The following ZNF304 variants were observed in gnomAD, a reference collection of about 807,000 sequenced individuals.
ZNF304 encodes KRAB-containing zinc finger protein.
In ZNF304, 7 loss-of-function variants were observed where a neutral mutation model predicts 7.8. The ratio of observed to expected loss-of-function variants is 0.90; its 90% CI spans 0.51 to 1.69. The LOEUF (loss-of-function observed/expected upper bound fraction) is 1.69. Ranked by LOEUF, ZNF304 falls within the 40% of genes most tolerant of loss-of-function variation. The pLI is 0.00. For missense variants in ZNF304, 669 were observed against 804.8 expected (o/e 0.83, Z 2.04); for synonymous variants, 280 against 272.4 (o/e 1.03, Z -0.27).
At chr19:57,354,541 C>T (rs923282245) in intron 2 of ZNF304, among the ~76,000 whole-genome samples, 1 of 152,230 alleles carries the variant, frequency 6.6e-6, no homozygotes. Context: ...CAGAAGCTAA[C>T]TTCTCTTTGA....
At position 57,356,832 on chromosome 19, in the gene ZNF304, A is replaced by T. The variant is rs745528523; in HGVS notation, c.963A>T (p.Thr321=). The T allele has an allele frequency of 1.2e-6, 2 of 1,614,002 alleles. No individual in the cohort carries two copies. The highest frequency in any genetic ancestry group is 2.2e-5 in the East Asian group (1 of 44,892). ...ECGKAFSRKD[T]LVQHQRVHTG... ...GGAAGGCCTTCAGCCGCAAGGACAC[A>T]CTTGTTCAGCATCAGAGAGTTCACA... is the stretch of plus-strand genomic sequence containing the variant. The change falls in exon 3 of 3, where the codon ACA becomes ACT. Residue 321 remains threonine, a synonymous_variant. Coordinates refer to ENST00000282286, the MANE Select transcript of ZNF304 (RefSeq NM_020657.4).
intron 2 of ZNF304, among the ~76,000 whole-genome samples, chr19:57,354,362 T>C (rs2088311148): frequency 6.6e-6 from 1 of 152,210 alleles, no homozygotes; most frequent in Non-Finnish European, 1.5e-5. Flanking sequence ...AATCAAGCTC[T>C]CAGCCAGTGT....
intron 2 of ZNF304, chr19:57,355,266 T>A (rs1251545909): frequency 1.3e-6 from 1 of 765,118 alleles, no homozygotes; most frequent in African/African-American, 1.7e-5. Context: ...TTGTTTGCGT[T>A]ACAGCTTTCA....
chr19:57,355,313 G>T (rs1298318144), intron 2 of ZNF304: 8 of 765,320 alleles, frequency 1.0e-5, no homozygotes, highest in South Asian at 9.4e-5. Context: ...GTTGGAGGGG[G>T]CAGAAAACCT....
At chr19:57,353,977 TG>T (rs2122978297) in intron 2 of ZNF304, 126 bp downstream of exon 2, 1 of 807,792 alleles carries the variant, frequency 1.2e-6, no homozygotes, top group East Asian at 2.9e-5. Flanking sequence ...GAGCATTTTT[TG>T]TTGTTTATTA....
Position 57,351,559 on chromosome 19 carries a change from G to T in ZNF304, c.-106G>T, listed in dbSNP as rs190767367. 8.8e-4 allele frequency: 1,223 copies of T among 1,396,200 alleles called. 10 individuals are homozygous for T. In the African/African-American group the frequency reaches 0.015, roughly 17 times the overall value. The allele number at this position is 1,396,200 out of a possible 1,614,324, so 86.5% of individuals were successfully genotyped here. A position where few individuals can be genotyped will look rare whatever the true frequency, so the allele number is the denominator to read the frequency against. On this transcript the variant is annotated 5_prime_UTR_variant, in exon 1 of 3. Transcript: ENST00000282286. The surrounding 1 kb of genome is among the most constrained non-coding windows in gnomAD (Gnocchi z 4.1). ...AGTCTTGTGAGCGTTTTTACACCGG[G>T]TAGATTGAGACTTGGAGTGCTACAC...
chr19:57,356,648 T>A lies in ZNF304; in HGVS notation c.779T>A (p.Phe260Tyr). 6.2e-7 allele frequency: 1 copy of A among 1,614,218 alleles called. No individual in the cohort carries two copies. The highest frequency in any genetic ancestry group is 8.5e-7 in the Non-Finnish European group (1 of 1,180,028). Residue 260 changes from phenylalanine to tyrosine, a missense_variant, in exon 3 of 3, where the codon TTC becomes TAC. Transcript: ENST00000282286. ...PFRCLPCGNV[F>Y]KEKSALINHR... is the part of the protein sequence containing the mutation. ...AGATGCCTACCATGTGGAAATGTGT[T>A]CAAGGAGAAATCAGCTCTTATTAAT... is the stretch of plus-strand genomic sequence containing the variant.
chr19:57,352,522 A>C (rs999870376), intron 1 of ZNF304: 1 of 152,242 alleles, frequency 6.6e-6, no homozygotes, highest in African/African-American at 2.4e-5. Flanking sequence ...TGTTGGAAAC[A>C]GGTATCAGAG....
chr19:57,351,846 C>T lies in ZNF304; in HGVS notation c.33+149C>T, dbSNP rs2088278843. 12 of 808,698 alleles carry T rather than the reference C, an allele frequency of 1.5e-5. No homozygotes were observed. The South Asian group carries it at 2.2e-4, about 15-fold the overall frequency. 50.1% of individuals were successfully genotyped at this position (808,698 alleles called of 1,614,324 possible). A position where few individuals can be genotyped will look rare whatever the true frequency, so the allele number is the denominator to read the frequency against. ...TCAGTGGCATAAGGTGTGGAACGGA[C>T]TCGAAGGCGCAGGGGCAGTTCGTAC... is the stretch of plus-strand genomic sequence containing the variant. On this transcript the variant is annotated intron_variant, in intron 1 of 2. Transcript: ENST00000282286. The surrounding 1 kb of genome is among the most constrained non-coding windows in gnomAD (Gnocchi z 4.1).
At position 57,357,851 on chromosome 19, in the gene ZNF304, A is replaced by C. The variant is rs893461817; in HGVS notation, c.*2A>C. The C allele has an allele frequency of 6.3e-6, 10 of 1,580,732 alleles. No homozygotes were observed. The Admixed American group carries it at 1.5e-4, about 24-fold the overall frequency. ...GCTGCATCTCTTAAACTTGTTTAAC[A>C]CCAGAAAATTCACACAAGAGAAAGG... On this transcript the variant is annotated 3_prime_UTR_variant, in exon 3 of 3. Transcript: ENST00000282286.
rs1307321713 is a variant in ZNF304 at position 57,358,135 on chromosome 19, A to G, written c.*286A>G. The G allele has an allele frequency of 5.5e-6, 2 of 364,018 alleles. No individual in the cohort carries two copies. The highest frequency in any genetic ancestry group is 9.9e-6 in the Non-Finnish European group (2 of 201,302). The allele number at this position is 364,018 out of a possible 1,614,324, so 22.5% of individuals were successfully genotyped here. On this transcript the variant is annotated 3_prime_UTR_variant, in exon 3 of 3. Coordinates refer to ENST00000282286, the MANE Select transcript of ZNF304 (RefSeq NM_020657.4). The stretch of plus-strand genomic sequence containing the variant: ...CTGTGGCGGAAGCCATCTTATTGCT[A>G]CCAGCTGTGTGTGTCAATCACTCCA...
chr19:57,352,065 G>A (rs568290885), intron 1 of ZNF304: 4 of 239,614 alleles, frequency 1.7e-5, no homozygotes, highest in African/African-American at 2.3e-5. Flanking sequence ...GTTCTTAAAA[G>A]GCTCCCTCTG....
rs946553331 is a variant in ZNF304, at chr19:57,351,461, G to T, written c.-204G>T. The T allele has an allele frequency of 6.6e-6, 4 of 605,782 alleles. No individual in the cohort carries two copies. Among genetic ancestry groups the T allele is most frequent in the Non-Finnish European group, 1.2e-5 (4 of 345,102 alleles). 37.5% of individuals were successfully genotyped at this position (605,782 alleles called of 1,614,324 possible). ...CGGGCGGCCTCTCGCGGAGGTGTCT[G>T]CCGGGGCTGGGCTCTTACCGAGGCC... On this transcript the variant is annotated 5_prime_UTR_variant, in exon 1 of 3. Transcript: ENST00000282286. The surrounding 1 kb of genome is among the most constrained non-coding windows in gnomAD (Gnocchi z 4.1).
Position 57,356,926 on chromosome 19 carries a change from C to T in ZNF304, c.1057C>T (p.His353Tyr). Reference protein sequence around the residue: ...AYSRSSHLVQHQRIHTGERPY... With the variant: ...AYSRSSHLVQYQRIHTGERPY... ...CAGCAGAAGCTCCCACCTTGTTCAG[C>T]ACCAGAGAATTCACACAGGAGAAAG... Residue 353 changes from histidine to tyrosine, a missense_variant, in exon 3 of 3, where the codon CAC becomes TAC. By Grantham distance (83) the His-to-Tyr change is moderately conservative. Coordinates refer to ENST00000282286, the MANE Select transcript of ZNF304 (RefSeq NM_020657.4). 6.2e-7 allele frequency: 1 copy of T among 1,614,220 alleles called. No individual in the cohort carries two copies. Among genetic ancestry groups the T allele is most frequent in the Non-Finnish European group, 8.5e-7 (1 of 1,180,030 alleles).
At position 57,356,956 on chromosome 19, in the gene ZNF304, T is replaced by C. The variant is rs2088350640; in HGVS notation, c.1087T>C (p.Tyr363His). Residue 363 changes from tyrosine (Y) to histidine (H), a missense_variant, in exon 3 of 3, where the codon TAT (tyrosine) becomes CAT (histidine). By Grantham distance (83) the Tyr-to-His change is moderately conservative. Transcript: ENST00000282286. ...HQRIHTGERP[Y>H]KCNKCGKAFS... is the part of the protein sequence containing the mutation. The stretch of plus-strand genomic sequence containing the variant: ...GAGAATTCACACAGGAGAAAGGCCT[T>C]ATAAGTGCAACAAATGTGGGAAAGC... The C allele has an allele frequency of 1.2e-6, 2 of 1,605,300 alleles. No homozygotes were observed. Among genetic ancestry groups the C allele is most frequent in the African/African-American group, 1.3e-5 (1 of 74,836 alleles).
chr19:57,356,602 C>T lies in ZNF304; in HGVS notation c.733C>T (p.His245Tyr). 2 of 1,614,200 alleles carry T rather than the reference C, an allele frequency of 1.2e-6. No individual in the cohort carries two copies. Among genetic ancestry groups the T allele is most frequent in the Non-Finnish European group, 1.7e-6 (2 of 1,180,040 alleles). Residue 245 changes from histidine (H) to tyrosine (Y), a missense_variant, in exon 3 of 3, where the codon CAT (histidine) becomes TAT (tyrosine). By Grantham distance (83) the His-to-Tyr change is moderately conservative. Transcript: ENST00000282286. Reference protein sequence around the residue: ...TFTLLDSQMTHAEVRPFRCLP... With the variant: ...TFTLLDSQMTYAEVRPFRCLP... ...TACTCTTCTTGACAGCCAGATGACT[C>T]ATGCTGAGGTGAGACCCTTCAGATG... is the stretch of plus-strand genomic sequence containing the variant.
rs1234133135 is a variant in ZNF304, at chr19:57,353,641, T to C, written c.34-84T>C. The stretch of plus-strand genomic sequence containing the variant: ...GCTGGGGAGGCGAGGGACTAGAGAG[T>C]GGGTGTGTGAGTGTGTAGACTGGGG... On this transcript the variant is annotated intron_variant, in intron 1 of 2. Coordinates refer to ENST00000282286, the MANE Select transcript of ZNF304 (RefSeq NM_020657.4). The C allele has an allele frequency of 2.0e-6, 3 of 1,490,250 alleles. No homozygotes were observed. In the African/African-American group the frequency reaches 4.2e-5, roughly 21 times the overall value. 92.3% of individuals were successfully genotyped at this position (1,490,250 alleles called of 1,614,324 possible).
rs2088271942 is a variant in ZNF304, at chr19:57,351,430, G to C, written c.-235G>C. The C allele has an allele frequency of 5.1e-6, 3 of 584,626 alleles. No homozygotes were observed. Among genetic ancestry groups the C allele is most frequent in the Non-Finnish European group, 9.1e-6 (3 of 328,332 alleles). 36.2% of individuals were successfully genotyped at this position (584,626 alleles called of 1,614,324 possible). A position where few individuals can be genotyped will look rare whatever the true frequency, so the allele number is the denominator to read the frequency against. On this transcript the variant is annotated 5_prime_UTR_variant, in exon 1 of 3. Coordinates refer to ENST00000282286, the MANE Select transcript of ZNF304 (RefSeq NM_020657.4). The surrounding 1 kb of genome is among the most constrained non-coding windows in gnomAD (Gnocchi z 4.1). ...TTTGTTACAATCCATGACCCCTGTC[G>C]TGGGACGGGCGGCCTCTCGCGGAGG...
At position 57,357,882 on chromosome 19, in the gene ZNF304, T is replaced by C. The variant is rs760069723; in HGVS notation, c.*33T>C. The C allele has an allele frequency of 6.4e-7, 1 of 1,555,440 alleles. No individual in the cohort carries two copies. The highest frequency in any genetic ancestry group is 2.0e-5 in the Admixed American group (1 of 49,550). On this transcript the variant is annotated 3_prime_UTR_variant, in exon 3 of 3. Coordinates refer to ENST00000282286, the MANE Select transcript of ZNF304 (RefSeq NM_020657.4). Reference sequence around the variant, plus strand: ...AAATTCACACAAGAGAAAGGCCTTATGAATGCAGAAAATATGTCATCTTGT... The same window carrying C: ...AAATTCACACAAGAGAAAGGCCTTACGAATGCAGAAAATATGTCATCTTGT...
Sources: allele counts gnomAD v4.1 joint callset (sites outside exome capture counted in the v4.1 genomes callset), GRCh38; gene constraint gnomAD v4.1.1; non-coding constraint Gnocchi (gnomAD v3.1); transcripts MANE v1.5; gene names NCBI Gene and HGNC (gene_info 2026-07-23, HGNC 2026-07-21).